ANAPC1: variants seen among roughly 807,000 people sequenced by gnomAD.
ANAPC1 encodes anaphase promoting complex subunit 1.
In ANAPC1, 36 loss-of-function variants were observed where a neutral mutation model predicts 208.0. The ratio of observed to expected loss-of-function variants is 0.17; its 90% CI spans 0.13 to 0.23. The LOEUF (loss-of-function observed/expected upper bound fraction) is 0.23, where lower values mean the gene tolerates loss of function less well. Among genes scored for constraint, ANAPC1 ranks in the 10% least tolerant of loss-of-function variants. The pLI is 1.00. For missense variants in ANAPC1, 942 were observed against 2,011.6 expected (o/e 0.47, Z 10.17); for synonymous variants, 378 against 695.2 (o/e 0.54, Z 7.18).
chr2:111,881,838 G>C (rs1279270667), intron 1 of ANAPC1, among the ~76,000 whole-genome samples: 1 of 152,178 alleles, frequency 6.6e-6, no homozygotes, highest in African/African-American at 2.4e-5. Context: ...TCTGTCCTAT[G>C]ACTTCATCCT....
At chr2:111,841,246 G>C (rs973001126) in intron 17 of ANAPC1, among the ~76,000 whole-genome samples, 2 of 151,920 alleles carry the variant, frequency 1.3e-5, no homozygotes, top group African/African-American at 4.8e-5. Flanking sequence ...TGGAGAGAGA[G>C]AGTAGTAAAC....
At chr2:111,848,920 C>T (rs1251551270) in intron 14 of ANAPC1, among the ~76,000 whole-genome samples, 2 of 152,114 alleles carry the variant, frequency 1.3e-5, no homozygotes, top group East Asian at 1.9e-4. Context: ...TTCAAAAATA[C>T]AGGAACAGTA....
At chr2:111,819,005 A>G (rs758881573) in intron 26 of ANAPC1, 47 bp from the exon 27 acceptor site, 1 of 1,603,908 alleles carries the variant, frequency 6.2e-7, no homozygotes, top group Non-Finnish European at 8.5e-7. Context: ...TAAAGCAAAG[A>G]GCAATTGAAA....
chr2:111,872,838 C>T, intron 5 of ANAPC1, 126 bp from the exon 6 acceptor site: 1 of 630,376 alleles, frequency 1.6e-6, no homozygotes, highest in Non-Finnish European at 2.8e-6. Context: ...GTAACATAAT[C>T]ATTAAATACG....
At chr2:111,878,663 T>C in intron 3 of ANAPC1, 147 bp downstream of exon 3, 2 of 1,268,898 alleles carry the variant, frequency 1.6e-6, no homozygotes, top group Admixed American at 2.9e-5. Flanking sequence ...TGCCATTATC[T>C]TCACATTATA....
chr2:111,834,623 G>C lies in ANAPC1; in HGVS notation c.2365C>G (p.Leu789Val), dbSNP rs1450541530. Residue 789 changes from leucine (L) to valine (V), a missense_variant, in exon 19 of 48, where the codon CTT becomes GTT. Leu to Val is a conservative substitution (Grantham distance 32). Transcript: ENST00000341068. ...MGEGICSLVE[L>V]LVQLARDLKL... ...ATTTACCTTGCCAACTGAACGAGAA[G>C]TTCAACAAGTGAACAAATTCCTTCT... is the stretch of plus-strand genomic sequence containing the variant. 6.2e-7 allele frequency: 1 copy of C among 1,603,370 alleles called. No homozygotes were observed. Among genetic ancestry groups the C allele is most frequent in the Non-Finnish European group, 8.5e-7 (1 of 1,175,384 alleles).
chr2:111,767,650 G>A lies in ANAPC1; in HGVS notation c.*1641C>T, dbSNP rs547907356. On this transcript the variant is annotated 3_prime_UTR_variant, in exon 48 of 48. Coordinates refer to ENST00000341068, the MANE Select transcript of ANAPC1 (RefSeq NM_022662.4). ...TGTGCAAACAACTAATGTCTCTCCA[G>A]TCATTCTTTATTCAGGAAAAGCACA... 2.5e-5 allele frequency: 3 copies of A among 118,396 alleles called. No individual in the cohort carries two copies. The South Asian group carries it at 7.3e-4, about 29-fold the overall frequency. The allele number at this position is 118,396 out of a possible 1,614,324, so 7.3% of individuals were successfully genotyped here. A position where few individuals can be genotyped will look rare whatever the true frequency, so the allele number is the denominator to read the frequency against.
chr2:111,861,053 A>G (rs1385540888), intron 10 of ANAPC1, among the ~76,000 whole-genome samples: 1 of 152,164 alleles, frequency 6.6e-6, no homozygotes, highest in Non-Finnish European at 1.5e-5. Context: ...CCAGAGGCCT[A>G]AAGGGCAATC....
intron 17 of ANAPC1, among the ~76,000 whole-genome samples, chr2:111,841,715 G>A (rs1680775231): frequency 6.6e-6 from 1 of 152,154 alleles, no homozygotes; most frequent in Admixed American, 6.5e-5. Context: ...ACGCAGAGGC[G>A]TGACGAACGC....
chr2:111,856,224 G>T (rs905824666), intron 13 of ANAPC1, among the ~76,000 whole-genome samples: 5 of 152,060 alleles, frequency 3.3e-5, no homozygotes, highest in Admixed American at 2.0e-4. Context: ...AACAGAGCGA[G>T]ACTCCGTCTC....
At chr2:111,791,763 GA>G (rs1677886625) in intron 38 of ANAPC1, among the ~76,000 whole-genome samples, 1 of 152,192 alleles carries the variant, frequency 6.6e-6, no homozygotes, top group East Asian at 1.9e-4. Flanking sequence ...TAGTGATTGA[GA>G]GGGGTGCATG....
intron 16 of ANAPC1, among the ~76,000 whole-genome samples, chr2:111,845,955 C>T (rs1681036325): frequency 8.0e-6 from 1 of 124,898 alleles, no homozygotes; most frequent in Admixed American, 1.1e-4. Flanking sequence ...AGAACCTGGG[C>T]GACAGAGCGA....
intron 21 of ANAPC1, among the ~76,000 whole-genome samples, chr2:111,830,783 T>A (rs1266333722): frequency 1.3e-5 from 2 of 152,130 alleles, no homozygotes; most frequent in South Asian, 4.1e-4. Flanking sequence ...CTCTTAAATA[T>A]TGGTGGTAAA....
chr2:111,871,611 G>C (rs1178646691), intron 6 of ANAPC1, among the ~76,000 whole-genome samples: 1 of 152,130 alleles, frequency 6.6e-6, no homozygotes, highest in Non-Finnish European at 1.5e-5. Flanking sequence ...AATTAGCCAG[G>C]CGTGGTGGTG....
chr2:111,841,030 G>A (rs538226081), intron 17 of ANAPC1, among the ~76,000 whole-genome samples: 3 of 152,142 alleles, frequency 2.0e-5, no homozygotes, highest in African/African-American at 4.8e-5. Flanking sequence ...ACGACAGAGC[G>A]AAACCCCGTC....
chr2:111,834,482 T>A (rs555505731), intron 19 of ANAPC1, 122 bp downstream of exon 19: 1 of 1,237,700 alleles, frequency 8.1e-7, no homozygotes, highest in African/African-American at 1.5e-5. Context: ...ATGCCCTAGT[T>A]TTCTGAGAAG....
At chr2:111,831,583 T>C (rs1680133496) in intron 20 of ANAPC1, 149 bp from the exon 21 acceptor site, 1 of 752,322 alleles carries the variant, frequency 1.3e-6, no homozygotes, top group Non-Finnish European at 2.1e-6. Flanking sequence ...CTCACGCCTG[T>C]AACCCCAGTA....
At chr2:111,857,356 C>T (rs1681790470) in intron 11 of ANAPC1, among the ~76,000 whole-genome samples, 3 of 152,230 alleles carry the variant, frequency 2.0e-5, no homozygotes, top group African/African-American at 4.8e-5. Flanking sequence ...TTTAATCTAT[C>T]GTATTTCAAA....
chr2:111,823,238 C>T (rs185790796), intron 24 of ANAPC1, among the ~76,000 whole-genome samples: 60 of 151,596 alleles, frequency 4.0e-4, no homozygotes, highest in African/African-American at 1.4e-3. Flanking sequence ...AGGATGGTCT[C>T]GATCTCCTGA....
Sources: gnomAD v4.1 joint callset for allele counts (sites outside exome capture counted in the v4.1 genomes callset) on GRCh38, gnomAD v4.1.1 for gene constraint, MANE v1.5 for transcripts, NCBI Gene and HGNC (gene_info 2026-07-23, HGNC 2026-07-21) for gene names.